Variants in ANKRD13C observed in about 807,000 individuals in gnomAD.
ANKRD13C encodes ankyrin repeat domain-containing protein 13C.
In ANKRD13C, 16 loss-of-function variants were observed where a neutral mutation model predicts 65.5. That is an observed-to-expected ratio of 0.24 (90% CI 0.17 to 0.37). ANKRD13C has a LOEUF of 0.37. Among genes scored for constraint, ANKRD13C ranks in the 10% least tolerant of loss-of-function variants. The pLI, the probability that ANKRD13C is intolerant of heterozygous loss-of-function variation, is 1.00. For synonymous variants in ANKRD13C, 235 were observed against 238.7 expected (o/e 0.98, Z 0.14); for missense variants, 503 against 655.9 (o/e 0.77, Z 2.55).
intron 1 of ANKRD13C, among the ~76,000 whole-genome samples, chr1:70,337,146 AACAC>A (rs58715407): frequency 0.034 from 4,978 of 145,376 alleles, 122 homozygotes; most frequent in African/African-American, 0.07. Context: ...CCATGATTCA[AACAC>A]ACACACACAC....
rs202016199 is a variant in ANKRD13C at position 70,335,333 on chromosome 1, G to A, written c.472+725C>T. ...ACGCAGGAGAATTGCTTAAACCTGG[G>A]AGGCAGAGGTTGCAGTGAGCTAAGA... On this transcript the variant is annotated intron_variant, in intron 2 of 12. Transcript: ENST00000370944. 1.2e-4 allele frequency among the ~76,000 whole-genome samples: 18 copies of A among 151,538 alleles called. No homozygotes were observed. In the East Asian group the frequency reaches 2.7e-3, roughly 23 times the overall value.
At chr1:70,297,890 C>T (rs1214938954) in intron 7 of ANKRD13C, among the ~76,000 whole-genome samples, 1 of 146,898 alleles carries the variant, frequency 6.8e-6, no homozygotes, top group Non-Finnish European at 1.5e-5. Context: ...GCACTCCAGC[C>T]TGGAGACAGA....
chr1:70,275,452 TA>T (rs532243380), intron 10 of ANKRD13C, among the ~76,000 whole-genome samples: 7 of 151,010 alleles, frequency 4.6e-5, no homozygotes, highest in African/African-American at 1.2e-4. Flanking sequence ...CTTATACAGT[TA>T]AAAAAACAGA....
At chr1:70,330,419 G>A (rs894924903) in intron 2 of ANKRD13C, among the ~76,000 whole-genome samples, 1 of 151,802 alleles carries the variant, frequency 6.6e-6, no homozygotes, top group Admixed American at 6.6e-5. Flanking sequence ...TTAGCTGGAC[G>A]TGGTGGCATG....
intron 1 of ANKRD13C, among the ~76,000 whole-genome samples, chr1:70,353,242 G>A: frequency 6.6e-6 from 1 of 151,928 alleles, no homozygotes. Context: ...AGCTGACAAG[G>A]CAAAAAGAAA....
chr1:70,337,946 A>T (rs1384878731), intron 1 of ANKRD13C, among the ~76,000 whole-genome samples: 2 of 151,998 alleles, frequency 1.3e-5, no homozygotes, highest in African/African-American at 4.8e-5. Context: ...CTAAAAATAC[A>T]AAATTAGCCA....
At position 70,272,783 on chromosome 1, in the gene ANKRD13C, G is replaced by A. The variant is rs1678949349; in HGVS notation, c.1395-1827C>T. On this transcript the variant is annotated intron_variant, in intron 11 of 12. Coordinates refer to ENST00000370944, the MANE Select transcript of ANKRD13C (RefSeq NM_030816.5). The stretch of plus-strand genomic sequence containing the variant: ...GTGGACAGATCACCTGAGGTCAGGA[G>A]TTTGAGACCAGCCTGGCCAACATGG... 2.6e-5 allele frequency among the ~76,000 whole-genome samples: 4 copies of A among 151,878 alleles called. No individual in the cohort carries two copies. In the South Asian group the frequency reaches 8.3e-4, roughly 32 times the overall value.
At chr1:70,340,701 A>G (rs909953279) in intron 1 of ANKRD13C, among the ~76,000 whole-genome samples, 9 of 152,178 alleles carry the variant, frequency 5.9e-5, no homozygotes, top group Admixed American at 3.3e-4. Flanking sequence ...TGCTCGATAT[A>G]TTTTGAAGCC....
In ANKRD13C at chr1:70,354,495, G is replaced by A. The variant is rs1572202788; in HGVS notation, c.-87C>T. 5 of 1,488,726 alleles carry A rather than the reference G, an allele frequency of 3.4e-6. No homozygotes were observed. The highest frequency in any genetic ancestry group is 2.4e-5 in the East Asian group (1 of 41,526). The allele number at this position is 1,488,726 out of a possible 1,614,324, so 92.2% of individuals were successfully genotyped here. A position where few individuals can be genotyped will look rare whatever the true frequency, so the allele number is the denominator to read the frequency against. On this transcript the variant is annotated 5_prime_UTR_variant, in exon 1 of 13. Transcript: ENST00000370944. Reference sequence around the variant, plus strand: ...TGCGGCGGCACAAGGCGATTAGAGCGGTGGCCAAGAGCCTCCAGCGCAGCA... The same window carrying A: ...TGCGGCGGCACAAGGCGATTAGAGCAGTGGCCAAGAGCCTCCAGCGCAGCA...
At chr1:70,344,926 C>G (rs1682463570) in intron 1 of ANKRD13C, among the ~76,000 whole-genome samples, 3 of 151,560 alleles carry the variant, frequency 2.0e-5, no homozygotes, top group Admixed American at 6.6e-5. Flanking sequence ...ACTACATTTT[C>G]CAAAACAAAT....
intron 5 of ANKRD13C, among the ~76,000 whole-genome samples, chr1:70,307,761 T>C (rs1407156448): frequency 6.6e-6 from 1 of 151,956 alleles, no homozygotes; most frequent in African/African-American, 2.4e-5. Context: ...CTGAGCAACA[T>C]AGCAAGACCC....
Position 70,354,462 on chromosome 1 carries a change from G to A in ANKRD13C, c.-54C>T. On this transcript the variant is annotated 5_prime_UTR_variant, in exon 1 of 13. Transcript: ENST00000370944. ...CGGGAGGCTCACCGCTGGCGACGGA[G>A]CTGGCGCTGCGGCGGCACAAGGCGA... is the stretch of plus-strand genomic sequence containing the variant. 2 of 1,550,864 alleles carry A rather than the reference G, an allele frequency of 1.3e-6. No homozygotes were observed. The highest frequency in any genetic ancestry group is 1.7e-6 in the Non-Finnish European group (2 of 1,150,772).
chr1:70,326,100 G>A (rs1165694962), intron 2 of ANKRD13C, among the ~76,000 whole-genome samples: 3 of 146,358 alleles, frequency 2.0e-5, no homozygotes, highest in Admixed American at 6.8e-5. Context: ...GCATGGTGGC[G>A]CATGACTGTA....
chr1:70,312,808 A>G (rs750784090), intron 5 of ANKRD13C, among the ~76,000 whole-genome samples: 1 of 152,198 alleles, frequency 6.6e-6, no homozygotes, highest in African/African-American at 2.4e-5. Flanking sequence ...AAAGGTCACT[A>G]GAATCAAATT....
intron 3 of ANKRD13C, 113 bp from the exon 4 acceptor site, chr1:70,315,679 ATGTATGTGTGTATG>A (rs1484309448): frequency 2.6e-6 from 2 of 760,762 alleles, no homozygotes; most frequent in South Asian, 2.0e-5. Context: ...ATGCACGTGC[ATGTATGTGTGTATG>A]TGTATGTGTG....
At chr1:70,340,722 G>A (rs1682270761) in intron 1 of ANKRD13C, among the ~76,000 whole-genome samples, 1 of 152,148 alleles carries the variant, frequency 6.6e-6, no homozygotes, top group African/African-American at 2.4e-5. Flanking sequence ...ATGTTATCAA[G>A]TGCAATCAAA....
At chr1:70,318,606 C>A (rs572023632) in intron 3 of ANKRD13C, among the ~76,000 whole-genome samples, 5 of 151,968 alleles carry the variant, frequency 3.3e-5, no homozygotes, top group African/African-American at 1.2e-4. Flanking sequence ...ATAATAGAGA[C>A]CTTAGAGTTA....
rs1402969682 is a variant in ANKRD13C at position 70,261,223 on chromosome 1, C to A, written c.*1494G>T. On this transcript the variant is annotated 3_prime_UTR_variant, in exon 13 of 13. Coordinates refer to ENST00000370944, the MANE Select transcript of ANKRD13C (RefSeq NM_030816.5). ...ATGTCAACATACGCAATGCATGTAT[C>A]AGTATGGAAGATGCAGCTTTAAAGA... 1 of 152,036 alleles carries A rather than the reference C, an allele frequency of 6.6e-6. No individual in the cohort carries two copies. The highest frequency in any genetic ancestry group is 1.5e-5 in the Non-Finnish European group (1 of 67,962). The allele number at this position is 152,036 out of a possible 1,614,324, so 9.4% of individuals were successfully genotyped here.
chr1:70,259,639 T>C lies in ANKRD13C; in HGVS notation c.*3078A>G, dbSNP rs916845017. Among the ~76,000 whole-genome samples, 2 of 152,208 alleles carry C rather than the reference T, an allele frequency of 1.3e-5. No homozygotes were observed. Among genetic ancestry groups the C allele is most frequent in the South Asian group, 2.1e-4 (1 of 4,834 alleles). On this transcript the variant is annotated 3_prime_UTR_variant, in exon 13 of 13. Transcript: ENST00000370944. ...GAGTAGTTTTGGCTAATTTATAGTA[T>C]ACAAACAATCATGGGCTTTTACCAA... is the stretch of plus-strand genomic sequence containing the variant.
Sources: gnomAD v4.1 joint callset for allele counts (sites outside exome capture counted in the v4.1 genomes callset) on GRCh38, gnomAD v4.1.1 for gene constraint, MANE v1.5 for transcripts, NCBI Gene and HGNC (gene_info 2026-07-23, HGNC 2026-07-21) for gene names.